The following LRRC37A2 variants were observed in gnomAD, a reference collection of about 807,000 sequenced individuals.
The protein encoded by LRRC37A2 is leucine-rich repeat-containing protein 37A2.
In LRRC37A2, 9 loss-of-function variants were observed where a neutral mutation model predicts 68.8. That is an observed-to-expected ratio of 0.13 (90% CI 0.08 to 0.23). The LOEUF (loss-of-function observed/expected upper bound fraction) is 0.23. Among genes scored for constraint, LRRC37A2 ranks in the 10% least tolerant of loss-of-function variants. The pLI, the probability that LRRC37A2 is intolerant of heterozygous loss-of-function variation, is 1.00. For missense variants in LRRC37A2, 168 were observed against 950.4 expected, an observed-to-expected ratio of 0.18 and a Z score of 10.82; for synonymous variants, 63 against 367.6, an observed-to-expected ratio of 0.17 and a Z score of 9.48.
At chr17:46,779,103 A>ACACACCC in the LRRC37A2 span, among the ~76,000 whole-genome samples, 20 of 133,584 alleles carry the variant, frequency 1.5e-4, no homozygotes, top group East Asian at 5.1e-4. Context: ...ACACACACAC[A>ACACACCC]CCCCAGCCCA....
chr17:46,840,090 T>G, the LRRC37A2 span, among the ~76,000 whole-genome samples: 1 of 151,302 alleles, frequency 6.6e-6, no homozygotes, highest in Non-Finnish European at 1.5e-5. Context: ...ATTCCTTCTT[T>G]CTTTCTTTCT....
chr17:46,430,797 AT>A, the LRRC37A2 span, among the ~76,000 whole-genome samples: 1 of 85,472 alleles, frequency 1.2e-5, no homozygotes, highest in East Asian at 2.3e-4. Flanking sequence ...CCTTGAATTA[AT>A]TTTTCCATTG....
chr17:46,766,075 T>C, the LRRC37A2 span, among the ~76,000 whole-genome samples: 2 of 152,146 alleles, frequency 1.3e-5, no homozygotes, highest in East Asian at 3.9e-4. Flanking sequence ...AAAACACTCA[T>C]TGTCCATTTC....
chr17:46,926,956 T>C, the LRRC37A2 span, among the ~76,000 whole-genome samples: 4,517 of 152,308 alleles, frequency 0.03, 214 homozygotes, highest in African/African-American at 0.1. Flanking sequence ...GGACACATGC[T>C]TTATTCTACT....
At chr17:46,950,010 G>A in the LRRC37A2 span, among the ~76,000 whole-genome samples, 1 of 152,246 alleles carries the variant, frequency 6.6e-6, no homozygotes, top group African/African-American at 2.4e-5. Flanking sequence ...ATTGAAATTG[G>A]AGTGAGCAGT....
chr17:46,923,677 A>G, the LRRC37A2 span: 30 of 851,446 alleles, frequency 3.5e-5, no homozygotes, highest in African/African-American at 4.7e-4. Flanking sequence ...TTTATACTAA[A>G]GACCACATTT....
chr17:46,875,994 G>A, the LRRC37A2 span, among the ~76,000 whole-genome samples: 3 of 151,774 alleles, frequency 2.0e-5, no homozygotes, highest in Admixed American at 1.3e-4. Flanking sequence ...GCTGTGTTCA[G>A]TCACTGAGTT....
chr17:46,843,539 T>C, the LRRC37A2 span, among the ~76,000 whole-genome samples: 1 of 152,238 alleles, frequency 6.6e-6, no homozygotes, highest in African/African-American at 2.4e-5. Flanking sequence ...ATTGTCTTCT[T>C]TCCTGGGTTC....
At chr17:46,760,567 A>G in the LRRC37A2 span, among the ~76,000 whole-genome samples, 1,200 of 151,360 alleles carry the variant, frequency 7.9e-3, 2 homozygotes, top group Middle Eastern at 0.02. Flanking sequence ...CCAGGAGGTC[A>G]AGGCTGCAGT....
the LRRC37A2 span, among the ~76,000 whole-genome samples, chr17:46,463,492 G>A: frequency 0.076 from 7,981 of 104,680 alleles, 1,270 homozygotes; most frequent in East Asian, 0.49. Flanking sequence ...AAATGGAATA[G>A]CATACAGATA....
the LRRC37A2 span, among the ~76,000 whole-genome samples, chr17:46,735,285 G>A: frequency 3.3e-5 from 5 of 151,968 alleles, no homozygotes; most frequent in Non-Finnish European, 5.9e-5. Flanking sequence ...GTGTTGAGAC[G>A]AAATATTTTT....
chr17:47,009,714 C>T, the LRRC37A2 span, among the ~76,000 whole-genome samples: 1 of 152,206 alleles, frequency 6.6e-6, no homozygotes, highest in African/African-American at 2.4e-5. Flanking sequence ...CCCCGGCAGG[C>T]CTCCTGTCCC....
the LRRC37A2 span, among the ~76,000 whole-genome samples, chr17:46,424,516 GAA>G: frequency 2.9e-5 from 3 of 104,454 alleles, no homozygotes; most frequent in East Asian, 4.7e-4. Flanking sequence ...TAGAGTGTAA[GAA>G]AAAAATATTT....
the LRRC37A2 span, among the ~76,000 whole-genome samples, chr17:46,852,828 G>A: frequency 0.017 from 2,584 of 152,226 alleles, 88 homozygotes; most frequent in African/African-American, 0.059. Context: ...AAGTAGCCAG[G>A]GAGAGGTATG....
the LRRC37A2 span, chr17:46,872,506 G>T: frequency 2.6e-5 from 38 of 1,465,190 alleles, no homozygotes; most frequent in Middle Eastern, 2.1e-4. Flanking sequence ...CCCTCCTCTC[G>T]CTCTCTCTAG....
the LRRC37A2 span, among the ~76,000 whole-genome samples, chr17:46,996,954 T>C: frequency 1.3e-5 from 2 of 152,216 alleles, no homozygotes; most frequent in Non-Finnish European, 2.9e-5. Context: ...TCTCCCAGAA[T>C]TGATGAGATA....
the LRRC37A2 span, among the ~76,000 whole-genome samples, chr17:46,917,479 G>C: frequency 6.6e-6 from 1 of 152,194 alleles, no homozygotes; most frequent in Non-Finnish European, 1.5e-5. Flanking sequence ...GGACATGCTG[G>C]GAGGCTGGTT....
the LRRC37A2 span, among the ~76,000 whole-genome samples, chr17:47,043,091 T>G: frequency 6.7e-6 from 1 of 149,706 alleles, no homozygotes; most frequent in Admixed American, 6.7e-5. Context: ...ATTATTATTT[T>G]TATAATTTCT....
At chr17:46,810,075 C>T in the LRRC37A2 span, among the ~76,000 whole-genome samples, 1 of 146,386 alleles carries the variant, frequency 6.8e-6, no homozygotes. Context: ...GGTGCAATCT[C>T]GGCTCACTGC....
Sources: gnomAD v4.1 joint callset for allele counts (sites outside exome capture counted in the v4.1 genomes callset) on GRCh38, gnomAD v4.1.1 for gene constraint, MANE v1.5 for transcripts, NCBI Gene and HGNC (gene_info 2026-07-23, HGNC 2026-07-21) for gene names.